The following SEMA3A variants were observed in gnomAD, a reference collection of about 807,000 sequenced individuals.
SEMA3A encodes semaphorin-3A.
In SEMA3A, 29 loss-of-function variants were observed where a neutral mutation model predicts 97.9. The observed-to-expected ratio is 0.30, with a 90% CI of 0.22 to 0.40. The LOEUF (loss-of-function observed/expected upper bound fraction) is 0.40. Among genes scored for constraint, SEMA3A ranks in the 10% least tolerant of loss-of-function variants. SEMA3A has a pLI of 1.00. For synonymous variants in SEMA3A, 321 were observed against 323.7 expected, an observed-to-expected ratio of 0.99 and a Z score of 0.09; for missense variants, 763 against 951.3, an observed-to-expected ratio of 0.80 and a Z score of 2.60.
chr7:84,299,584 A>T (rs1800956758), intron 3 of SEMA3A, among the ~76,000 whole-genome samples: 1 of 151,514 alleles, frequency 6.6e-6, no homozygotes, highest in South Asian at 2.1e-4. Context: ...TTTCTCACTT[A>T]TAAATACCAA....
chr7:84,456,952 C>T (rs903819517), intron 1 of SEMA3A, among the ~76,000 whole-genome samples: 6 of 151,444 alleles, frequency 4.0e-5, no homozygotes, highest in Non-Finnish European at 5.9e-5. Flanking sequence ...AGCTAATAAG[C>T]GATAAAGCCA....
At chr7:84,388,495 T>A (rs1313697052) in intron 1 of SEMA3A, among the ~76,000 whole-genome samples, 1 of 152,058 alleles carries the variant, frequency 6.6e-6, no homozygotes, top group Admixed American at 6.6e-5. Context: ...AATAAATTCT[T>A]TAAAAAATTT....
chr7:84,364,281 T>G (rs989573632), intron 2 of SEMA3A, among the ~76,000 whole-genome samples: 5 of 151,738 alleles, frequency 3.3e-5, no homozygotes, highest in African/African-American at 7.2e-5. Context: ...CTTAGTCATA[T>G]TCCCTTAAAA....
At chr7:84,321,306 C>A (rs1265428790) in intron 2 of SEMA3A, among the ~76,000 whole-genome samples, 10 of 152,108 alleles carry the variant, frequency 6.6e-5, no homozygotes, top group Admixed American at 6.5e-4. Context: ...TTCCAAGTTA[C>A]ATTTACATGA....
intron 1 of SEMA3A, among the ~76,000 whole-genome samples, chr7:84,185,692 G>GAAAAA (rs71078810): frequency 1.3e-5 from 1 of 78,126 alleles, no homozygotes; most frequent in Non-Finnish European, 2.3e-5. Context: ...ACTCTGGCAG[G>GAAAAA]AAAAAAAAAA....
rs980777889 is a variant in SEMA3A at position 84,128,716 on chromosome 7, T to C, written c.333+407A>G. 2.6e-5 allele frequency among the ~76,000 whole-genome samples: 4 copies of C among 152,146 alleles called. No individual in the cohort carries two copies. The East Asian group carries it at 5.8e-4, about 22-fold the overall frequency. On this transcript the variant is annotated intron_variant, in intron 3 of 16. Transcript: ENST00000265362. Reference sequence around the variant, plus strand: ...ATGACAGAGTAATAAATTACTTATGTAATTACTGCAGGTCGAGCATCCCTA... The same window carrying C: ...ATGACAGAGTAATAAATTACTTATGCAATTACTGCAGGTCGAGCATCCCTA...
At chr7:84,259,942 C>T (rs1799808643) in intron 3 of SEMA3A, among the ~76,000 whole-genome samples, 1 of 152,078 alleles carries the variant, frequency 6.6e-6, no homozygotes, top group African/African-American at 2.4e-5. Flanking sequence ...GAGCACAGCT[C>T]ATTGTAGATG....
At chr7:84,359,953 T>C (rs1334303877) in intron 2 of SEMA3A, among the ~76,000 whole-genome samples, 2 of 150,670 alleles carry the variant, frequency 1.3e-5, no homozygotes, top group Non-Finnish European at 2.9e-5. Flanking sequence ...TCTCTGATGG[T>C]AGTTTGTATT....
intron 1 of SEMA3A, among the ~76,000 whole-genome samples, chr7:84,431,530 A>G (rs1399347651): frequency 6.6e-6 from 1 of 152,014 alleles, no homozygotes; most frequent in Non-Finnish European, 1.5e-5. Flanking sequence ...AATTGCACTC[A>G]ATGACTAAAG....
At chr7:84,227,395 A>C (rs1799014479) in intron 3 of SEMA3A, among the ~76,000 whole-genome samples, 1 of 151,992 alleles carries the variant, frequency 6.6e-6, no homozygotes, top group South Asian at 2.1e-4. Flanking sequence ...AACAACAGCA[A>C]AACTAAAAAT....
chr7:84,094,192 C>T (rs917137752), intron 4 of SEMA3A, among the ~76,000 whole-genome samples: 2 of 152,020 alleles, frequency 1.3e-5, no homozygotes, highest in African/African-American at 4.8e-5. Flanking sequence ...GCCTTGGTGA[C>T]GTTTACACTT....
chr7:84,341,139 T>C (rs1036779712), intron 2 of SEMA3A, among the ~76,000 whole-genome samples: 1 of 152,174 alleles, frequency 6.6e-6, no homozygotes, highest in Non-Finnish European at 1.5e-5. Flanking sequence ...ATTTAACAAG[T>C]AAAGTTTCTG....
At chr7:84,104,320 A>C (rs1795043297) in intron 4 of SEMA3A, among the ~76,000 whole-genome samples, 1 of 152,138 alleles carries the variant, frequency 6.6e-6, no homozygotes, top group Admixed American at 6.5e-5. Flanking sequence ...CAAATACTTT[A>C]CCTGGCAATA....
chr7:84,298,081 T>C (rs750312442), intron 3 of SEMA3A, among the ~76,000 whole-genome samples: 3 of 152,148 alleles, frequency 2.0e-5, no homozygotes, highest in African/African-American at 4.8e-5. Context: ...CAATAAGTTA[T>C]AAAATGATCC....
chr7:84,132,662 GTTTTTTTTTTTTTTTTT>G (rs55830654), intron 2 of SEMA3A, among the ~76,000 whole-genome samples: 2 of 86,630 alleles, frequency 2.3e-5, no homozygotes, highest in African/African-American at 7.9e-5. Flanking sequence ...TCGACTTGGT[GTTTTTTTTTTTTTTTTT>G]TTTTTTTTTT....
At chr7:84,240,772 C>G (rs771011870) in intron 3 of SEMA3A, among the ~76,000 whole-genome samples, 1 of 152,178 alleles carries the variant, frequency 6.6e-6, no homozygotes, top group African/African-American at 2.4e-5. Flanking sequence ...CACCGCCTGA[C>G]AGGCCCCTGT....
chr7:83,979,468 G>C (rs1230273564), intron 14 of SEMA3A, among the ~76,000 whole-genome samples: 3 of 152,046 alleles, frequency 2.0e-5, no homozygotes, highest in Non-Finnish European at 2.9e-5. Flanking sequence ...TAGCCACCTA[G>C]AGTTAAATGT....
chr7:83,998,760 T>A (rs1790320931), intron 12 of SEMA3A, among the ~76,000 whole-genome samples: 1 of 152,222 alleles, frequency 6.6e-6, no homozygotes, highest in African/African-American at 2.4e-5. Context: ...TGATAAATTA[T>A]TATTATTTTT....
At chr7:84,225,668 T>C (rs574677927) in intron 3 of SEMA3A, among the ~76,000 whole-genome samples, 3 of 152,182 alleles carry the variant, frequency 2.0e-5, no homozygotes, top group South Asian at 4.1e-4. Context: ...GAGGGCCAAA[T>C]GTAAATTCCT....
Sources: allele counts gnomAD v4.1 joint callset (sites outside exome capture counted in the v4.1 genomes callset), GRCh38; gene constraint gnomAD v4.1.1; transcripts MANE v1.5; gene names NCBI Gene and HGNC (gene_info 2026-07-23, HGNC 2026-07-21).